The following CD99 variants were observed in gnomAD, a reference collection of about 807,000 sequenced individuals.
CD99 encodes the protein CD99 molecule (Xg blood group).
CD99 carries 19 observed loss-of-function variants against 28.4 expected under a neutral mutation model. The observed-to-expected ratio is 0.67, with a 90% confidence interval of 0.47 to 0.98. The LOEUF (loss-of-function observed/expected upper bound fraction) is 0.98. Among genes scored for constraint, CD99 ranks in the 50% least tolerant of loss-of-function variants. The pLI, the probability that CD99 is intolerant of heterozygous loss-of-function variation, is 0.00. For synonymous variants in CD99, 103 were observed against 92.1 expected (o/e 1.12, Z -0.67); for missense variants, 283 against 248.8 (o/e 1.14, Z -0.92).
At chrX:2,706,443 G>GTGCCC (rs1389229614) in intron 1 of CD99, among the ~76,000 whole-genome samples, 1 of 152,188 alleles carries the variant, frequency 6.6e-6, no homozygotes, top group Non-Finnish European at 1.5e-5. Context: ...GAGCACACAC[G>GTGCCC]TGCCCTCTGC....
At chrX:2,740,016 C>G (rs1229239758) in intron 9 of CD99, among the ~76,000 whole-genome samples, 1 of 151,600 alleles carries the variant, frequency 6.6e-6, no homozygotes, top group Non-Finnish European at 1.5e-5. Flanking sequence ...CGCTTGAACC[C>G]GGGAGGCGGA....
intron 3 of CD99, chrX:2,717,861 T>G: frequency 1.7e-6 from 1 of 598,350 alleles, no homozygotes; most frequent in South Asian, 2.3e-5. Flanking sequence ...GTGAAATGTT[T>G]CGGGGCCATT....
intron 1 of CD99, among the ~76,000 whole-genome samples, chrX:2,697,885 T>A (rs1186790869): frequency 6.6e-6 from 1 of 151,864 alleles, no homozygotes; most frequent in East Asian, 1.9e-4. Flanking sequence ...TAGTGCAGAC[T>A]CATAGAATAG....
At chrX:2,734,824 T>G (rs753453511) in intron 8 of CD99, among the ~76,000 whole-genome samples, 1 of 152,136 alleles carries the variant, frequency 6.6e-6, no homozygotes, top group East Asian at 1.9e-4. Flanking sequence ...TTTAATTTTT[T>G]CTTACTTCTT....
intron 8 of CD99, among the ~76,000 whole-genome samples, chrX:2,732,450 C>G (rs1659588090): frequency 6.6e-6 from 1 of 152,020 alleles, no homozygotes. Context: ...CTCCTTCTTT[C>G]TCTTTCTTCT....
At chrX:2,737,119 C>T (rs759826553) in intron 8 of CD99, among the ~76,000 whole-genome samples, 145 of 152,140 alleles carry the variant, frequency 9.5e-4, no homozygotes, top group African/African-American at 3.4e-3. Context: ...GAAGAAAGTC[C>T]CCTTTCCCTA....
At chrX:2,697,104 G>A (rs1394002632) in intron 1 of CD99, among the ~76,000 whole-genome samples, 9 of 152,212 alleles carry the variant, frequency 5.9e-5, no homozygotes, top group East Asian at 1.9e-4. Flanking sequence ...TACATGGAAA[G>A]CCTTGCTAAA....
intron 2 of CD99, chrX:2,714,689 G>C: frequency 2.5e-6 from 1 of 397,208 alleles, no homozygotes; most frequent in Non-Finnish European, 4.5e-6. Flanking sequence ...ATACCTTATT[G>C]CTAAAAAATG....
intron 1 of CD99, among the ~76,000 whole-genome samples, chrX:2,705,560 A>G (rs766231074): frequency 2.0e-5 from 3 of 152,326 alleles, no homozygotes; most frequent in Non-Finnish European, 4.4e-5. Context: ...TTAAATATGC[A>G]TGACCTCACA....
intron 1 of CD99, among the ~76,000 whole-genome samples, chrX:2,699,130 C>CTTCTT (rs199717817): frequency 1.3e-5 from 2 of 151,060 alleles, no homozygotes; most frequent in Admixed American, 6.6e-5. Context: ...TTTCTTTCCT[C>CTTCTT]TTCTTTTCTT....
chrX:2,710,719 G>A (rs776812677), intron 1 of CD99, among the ~76,000 whole-genome samples: 13 of 152,108 alleles, frequency 8.5e-5, no homozygotes, highest in African/African-American at 2.4e-4. Flanking sequence ...TAGAAGTCAC[G>A]TCTACCGCTG....
chrX:2,691,686 C>A, intron 1 of CD99: 3 of 703,502 alleles, frequency 4.3e-6, no homozygotes, highest in Non-Finnish European at 7.8e-6. Flanking sequence ...GTGGGGCGGC[C>A]TTGGGAGAGG....
intron 9 of CD99, 48 bp downstream of exon 9, chrX:2,738,304 A>G: frequency 6.4e-7 from 1 of 1,563,758 alleles, no homozygotes; most frequent in Non-Finnish European, 8.8e-7. Flanking sequence ...CAGTGTTCCC[A>G]TTTTATCTTC....
At chrX:2,712,506 G>A (rs2048455430) in intron 1 of CD99, among the ~76,000 whole-genome samples, 1 of 152,118 alleles carries the variant, frequency 6.6e-6, no homozygotes, top group African/African-American at 2.4e-5. Flanking sequence ...ATATGTGCGT[G>A]TGTCTGTACC....
chrX:2,732,917 C>G (rs1215979586), intron 8 of CD99, among the ~76,000 whole-genome samples: 1 of 146,136 alleles, frequency 6.8e-6, no homozygotes, highest in African/African-American at 2.5e-5. Flanking sequence ...TTCCTTCCTT[C>G]CTTCCCTTCC....
At chrX:2,732,842 ATC>A (rs1469863270) in intron 8 of CD99, among the ~76,000 whole-genome samples, 4 of 107,592 alleles carry the variant, frequency 3.7e-5, no homozygotes, top group Non-Finnish European at 1.7e-5. Flanking sequence ...CTCTTCATCC[ATC>A]TCTCCTGTTC....
intron 7 of CD99, among the ~76,000 whole-genome samples, chrX:2,723,830 G>C (rs1193899000): frequency 6.6e-6 from 1 of 152,100 alleles, no homozygotes; most frequent in Non-Finnish European, 1.5e-5. Context: ...TGTATCTCCT[G>C]TCTCCTTTTT....
chrX:2,703,862 G>T (rs1467313273), intron 1 of CD99, among the ~76,000 whole-genome samples: 1 of 152,094 alleles, frequency 6.6e-6, no homozygotes, highest in Non-Finnish European at 1.5e-5. Flanking sequence ...GCCTTGGGGG[G>T]TGATCACTCA....
At chrX:2,720,225 G>A (rs915401243) in intron 4 of CD99, 131 bp from the exon 5 acceptor site, 3 of 760,882 alleles carry the variant, frequency 3.9e-6, no homozygotes, top group Non-Finnish European at 7.1e-6. Context: ...GACTGTGTGT[G>A]TACAGGTATC....
Sources: gnomAD v4.1 joint callset for allele counts (sites outside exome capture counted in the v4.1 genomes callset) on GRCh38, gnomAD v4.1.1 for gene constraint, MANE v1.5 for transcripts, NCBI Gene and HGNC (gene_info 2026-07-23, HGNC 2026-07-21) for gene names.